OR51G2: variants seen among roughly 807,000 people sequenced by gnomAD.
The protein encoded by OR51G2 is olfactory receptor 51G2.
In OR51G2, 13 loss-of-function variants were observed where a neutral mutation model predicts 11.8. The observed-to-expected ratio is 1.10, with a 90% confidence interval of 0.72 to 1.76. The LOEUF is 1.76. Ranked by LOEUF, OR51G2 falls within the 40% of genes most tolerant of loss-of-function variation. OR51G2 has a pLI of 0.00. For synonymous variants in OR51G2, 178 were observed against 151.9 expected, an observed-to-expected ratio of 1.17 and a Z score of -1.26; for missense variants, 474 against 394.4, an observed-to-expected ratio of 1.20 and a Z score of -1.71.
In OR51G2 at chr11:4,912,658, G is replaced by A. The variant is rs1246057397; in HGVS notation, c.*2061C>T. On this transcript the variant is annotated 3_prime_UTR_variant, in exon 2 of 2. Transcript: ENST00000641926. Reference sequence around the variant, plus strand: ...AAATAAGAAATTCATAATGAAAGATGTTGGAATATTGAGCCTTAAAAAATG... The same window carrying A: ...AAATAAGAAATTCATAATGAAAGATATTGGAATATTGAGCCTTAAAAAATG... 1 of 145,878 alleles carries A rather than the reference G, an allele frequency of 6.9e-6. No individual in the cohort carries two copies. Among genetic ancestry groups the A allele is most frequent in the Non-Finnish European group, 1.5e-5 (1 of 66,362 alleles). 9.0% of individuals were successfully genotyped at this position (145,878 alleles called of 1,614,324 possible).
chr11:4,915,473 A>G lies in OR51G2; in HGVS notation c.191T>C (p.Met64Thr), dbSNP rs147532743. ...AGCCAGCATGGACAGGAAGAGATACATAGGTTCATGAAGTGAGCGCTCTGT... is the reference window on the plus strand; with the variant it reads ...AGCCAGCATGGACAGGAAGAGATACGTAGGTTCATGAAGTGAGCGCTCTGT... ...IKTERSLHEP[M>T]YLFLSMLALI... is the part of the protein sequence containing the mutation. The change falls in exon 2 of 2, where the codon ATG becomes ACG. Residue 64 changes from methionine to threonine, a missense_variant. Met to Thr is a moderately conservative substitution (Grantham distance 81). Transcript: ENST00000641926. 602 of 1,614,158 alleles carry G rather than the reference A, an allele frequency of 3.7e-4. 3 individuals carry two copies. In the East Asian group the frequency reaches 0.011, roughly 28 times the overall value.
chr11:4,914,796 G>T lies in OR51G2; in HGVS notation c.868C>A (p.Pro290Thr). The T allele has an allele frequency of 1.2e-6, 2 of 1,614,046 alleles. No individual in the cohort carries two copies. The highest frequency in any genetic ancestry group is 1.7e-6 in the Non-Finnish European group (2 of 1,179,986). The change falls in exon 2 of 2, where the codon CCT (proline) becomes ACT (threonine). Residue 290 changes from proline (P) to threonine (T), a missense_variant. Transcript: ENST00000641926. ...CTGTAGACAATGGGATTCATCACAG[G>T]AGGAAAGAGAAGATACATGAAACCC... ...VMGFMYLLFP[P>T]VMNPIVYSVK...
Position 4,914,772 on chromosome 11 carries a change from T to C in OR51G2, c.892A>G (p.Ser298Gly). ...FPPVMNPIVYSVKTKQIRDRV... is the reference protein window; with the variant it reads ...FPPVMNPIVYGVKTKQIRDRV... ...TCCCGGATCTGTTTGGTCTTCACAC[T>C]GTAGACAATGGGATTCATCACAGGA... Residue 298 changes from serine (S) to glycine (G), a missense_variant, in exon 2 of 2, where the codon AGT becomes GGT. Transcript: ENST00000641926. The C allele has an allele frequency of 6.2e-7, 1 of 1,613,934 alleles. No individual in the cohort carries two copies. The highest frequency in any genetic ancestry group is 8.5e-7 in the Non-Finnish European group (1 of 1,179,976).
In OR51G2 at chr11:4,915,080, G is replaced by A; in HGVS notation, c.584C>T (p.Ala195Val). 3 of 1,613,982 alleles carry A rather than the reference G, an allele frequency of 1.9e-6. No homozygotes were observed. The highest frequency in any genetic ancestry group is 1.3e-5 in the African/African-American group (1 of 75,010). Residue 195 changes from alanine to valine, a missense_variant, in exon 2 of 2, where the codon GCC becomes GTC. Coordinates refer to ENST00000641926, the MANE Select transcript of OR51G2 (RefSeq NM_001005238.2). ...GTAGATGCTGTTGGCCTTCATGTCG[G>A]CACAGGCCAATTTCATCACTTCTTG... is the stretch of plus-strand genomic sequence containing the variant. ...LHQEVMKLAC[A>V]DMKANSIYGM...
rs148170259 is a variant in OR51G2 at position 4,914,803 on chromosome 11, G to A, written c.861C>T (p.Leu287=). 7.4e-6 allele frequency: 12 copies of A among 1,614,000 alleles called. No individual in the cohort carries two copies. The African/African-American group carries it at 1.5e-4, about 20-fold the overall frequency. Residue 287 remains leucine, a synonymous_variant, in exon 2 of 2, where the codon CTC becomes CTT. Coordinates refer to ENST00000641926, the MANE Select transcript of OR51G2 (RefSeq NM_001005238.2). The stretch of plus-strand genomic sequence containing the variant: ...CAATGGGATTCATCACAGGAGGAAA[G>A]AGAAGATACATGAAACCCATGACCA... ...VQVVMGFMYL[L]FPPVMNPIVY... is the part of the protein sequence containing the mutation.
intron 1 of OR51G2, among the ~76,000 whole-genome samples, chr11:4,917,044 T>C (rs570850122): frequency 6.6e-6 from 1 of 152,220 alleles, no homozygotes; most frequent in East Asian, 1.9e-4. Context: ...CCATTCTCAA[T>C]TAATATCACT....
chr11:4,918,256 T>C (rs1410070562), intron 1 of OR51G2, among the ~76,000 whole-genome samples: 2 of 152,076 alleles, frequency 1.3e-5, no homozygotes, highest in Non-Finnish European at 2.9e-5. Flanking sequence ...TGGAAAAATT[T>C]TGGTTAACGA....
chr11:4,914,938 G>A lies in OR51G2; in HGVS notation c.726C>T (p.Ala242=). Residue 242 remains alanine, a synonymous_variant, in exon 2 of 2, where the codon GCC becomes GCT. Coordinates refer to ENST00000641926, the MANE Select transcript of OR51G2 (RefSeq NM_001005238.2). ...AGATGTGGGAAACACAGGTGTTAAG[G>A]GCCTTGAATCTCTCAGCCCTGGAGG... ...SIASRAERFK[A]LNTCVSHICA... The A allele has an allele frequency of 1.2e-6, 2 of 1,614,126 alleles. No individual in the cohort carries two copies. The highest frequency in any genetic ancestry group is 1.7e-6 in the Non-Finnish European group (2 of 1,180,010).
At chr11:4,915,799 C>G in intron 1 of OR51G2, 60 bp from the exon 2 acceptor site, 1 of 575,346 alleles carries the variant, frequency 1.7e-6, no homozygotes, top group Middle Eastern at 4.5e-4. Context: ...GCAGCTCTTT[C>G]TAGTGGTTAT....
intron 1 of OR51G2, among the ~76,000 whole-genome samples, chr11:4,917,645 G>A (rs1377337143): frequency 1.3e-5 from 2 of 152,142 alleles, no homozygotes; most frequent in Admixed American, 6.6e-5. Context: ...GTGATCAGTG[G>A]TTACCACATT....
At chr11:4,916,286 T>C (rs563483538) in intron 1 of OR51G2, among the ~76,000 whole-genome samples, 2 of 152,252 alleles carry the variant, frequency 1.3e-5, no homozygotes, top group African/African-American at 4.8e-5. Flanking sequence ...AGCAGCATAC[T>C]CCTTGTGTTG....
chr11:4,915,983 G>A (rs902309100), intron 1 of OR51G2, among the ~76,000 whole-genome samples: 7 of 152,120 alleles, frequency 4.6e-5, no homozygotes, highest in African/African-American at 1.4e-4. Context: ...TATCAACCAG[G>A]TCTTCTTAGC....
chr11:4,915,299 G>A lies in OR51G2; in HGVS notation c.365C>T (p.Ser122Phe). 6.2e-7 allele frequency: 1 copy of A among 1,614,036 alleles called. No individual in the cohort carries two copies. Among genetic ancestry groups the A allele is most frequent in the Admixed American group, 1.7e-5 (1 of 59,998 alleles). Residue 122 changes from serine to phenylalanine, a missense_variant, in exon 2 of 2, where the codon TCT (serine) becomes TTT (phenylalanine). By Grantham distance (155) the Ser-to-Phe change is radical (BLOSUM62 -2). Transcript: ENST00000641926. ...AGCCACAAAGCGGTCAAAGGCCATA[G>A]ACAGTAGCACAGAGGACTCGAGGAA... The part of the protein sequence containing the change: ...FSFLESSVLL[S>F]MAFDRFVAIC...
At chr11:4,915,912 C>T (rs921339025) in intron 1 of OR51G2, among the ~76,000 whole-genome samples, 173 bp from the exon 2 acceptor site, 17 of 152,150 alleles carry the variant, frequency 1.1e-4, no homozygotes, top group African/African-American at 4.1e-4. Context: ...ATGAGCCAAA[C>T]TGGGTGAGTT....
rs567207906 is a variant in OR51G2 at position 4,913,917 on chromosome 11, C to T, written c.*802G>A. On this transcript the variant is annotated 3_prime_UTR_variant, in exon 2 of 2. Coordinates refer to ENST00000641926, the MANE Select transcript of OR51G2 (RefSeq NM_001005238.2). Reference sequence around the variant, plus strand: ...TCAGGGAAAACTTTTCTGATGCTCCCTTCCCCCAGCTAGGGGAAGACAACT... The same window carrying T: ...TCAGGGAAAACTTTTCTGATGCTCCTTTCCCCCAGCTAGGGGAAGACAACT... 6.6e-6 allele frequency: 1 copy of T among 152,202 alleles called. No homozygotes were observed. The highest frequency in any genetic ancestry group is 1.9e-4 in the East Asian group (1 of 5,194). The allele number at this position is 152,202 out of a possible 1,614,324, so 9.4% of individuals were successfully genotyped here. A position where few individuals can be genotyped will look rare whatever the true frequency, so the allele number is the denominator to read the frequency against.
At position 4,915,457 on chromosome 11, in the gene OR51G2, G is replaced by A; in HGVS notation, c.207C>T (p.Ser69=). The change falls in exon 2 of 2, where the codon TCC becomes TCT. Residue 69 remains serine, a synonymous_variant. Coordinates refer to ENST00000641926, the MANE Select transcript of OR51G2 (RefSeq NM_001005238.2). ...SLHEPMYLFL[S]MLALIDLGLS... ...GACCCAGGTCAATCAGAGCCAGCATGGACAGGAAGAGATACATAGGTTCAT... is the reference window on the plus strand; with the variant it reads ...GACCCAGGTCAATCAGAGCCAGCATAGACAGGAAGAGATACATAGGTTCAT... 1 of 1,614,112 alleles carries A rather than the reference G, an allele frequency of 6.2e-7. No homozygotes were observed.
At chr11:4,916,160 A>C (rs1205129192) in intron 1 of OR51G2, among the ~76,000 whole-genome samples, 2 of 151,682 alleles carry the variant, frequency 1.3e-5, no homozygotes, top group Non-Finnish European at 2.9e-5. Flanking sequence ...CTACTAAAAA[A>C]AAAAAATGGT....
At chr11:4,916,318 T>G (rs530677389) in intron 1 of OR51G2, among the ~76,000 whole-genome samples, 1 of 152,184 alleles carries the variant, frequency 6.6e-6, no homozygotes, top group East Asian at 1.9e-4. Flanking sequence ...CTCTGCTCCT[T>G]CAGACTAAGA....
chr11:4,915,603 C>T lies in OR51G2; in HGVS notation c.61G>A (p.Gly21Ser). 1 of 1,614,088 alleles carries T rather than the reference C, an allele frequency of 6.2e-7. No homozygotes were observed. The highest frequency in any genetic ancestry group is 8.5e-7 in the Non-Finnish European group (1 of 1,180,008). ...TGCATGCGCTCCAGCCCAGGGATGC[C>T]ACTCAGCAGGAAGGTAGCAGAAACG... ...SSVSATFLLSGIPGLERMHIW... is the reference protein window; with the variant it reads ...SSVSATFLLSSIPGLERMHIW... Residue 21 changes from glycine to serine, a missense_variant, in exon 2 of 2, where the codon GGC becomes AGC. Gly to Ser is a moderately conservative substitution (Grantham distance 56). Coordinates refer to ENST00000641926, the MANE Select transcript of OR51G2 (RefSeq NM_001005238.2).
Sources: gnomAD v4.1 joint callset for allele counts (sites outside exome capture counted in the v4.1 genomes callset) on GRCh38, gnomAD v4.1.1 for gene constraint, MANE v1.5 for transcripts, NCBI Gene and HGNC (gene_info 2026-07-23, HGNC 2026-07-21) for gene names.